The following FLG variants were observed in gnomAD, a reference collection of about 807,000 sequenced individuals.
The protein encoded by FLG is filaggrin, also known as epidermal filaggrin.
In FLG, 6 loss-of-function variants were observed where a neutral mutation model predicts 3.8. The ratio of observed to expected loss-of-function variants is 1.60; its 90% confidence interval spans 0.87 to 3.15. The LOEUF is 3.15. FLG is among the 30% of genes most tolerant of loss of function. The probability of loss-of-function intolerance (pLI) is 0.00; values close to 1 mark genes in which losing one functional copy is unlikely to be tolerated. For missense variants in FLG, 7,595 were observed against 5,050.9 expected (o/e 1.50, Z -15.27); for synonymous variants, 2,551 against 1,931.6 (o/e 1.32, Z -8.41).
rs770018707 is a variant in FLG at position 152,307,240 on chromosome 1, A to G, written c.7646T>C (p.Val2549Ala). The change falls in exon 3 of 3, where the codon GTG (valine) becomes GCG (alanine). Residue 2549 changes from valine (V) to alanine (A), a missense_variant. Transcript: ENST00000368799. ...GGGCCCCTCTGATTGTCCCTGGCCC[A>G]CCTGCGAGTGTCCAGAGCTGTCGGC... ...SRADSSGHSQVGQGQSEGPRT... is the reference protein window; with the variant it reads ...SRADSSGHSQAGQGQSEGPRT... 94 of 1,610,146 alleles carry G rather than the reference A, an allele frequency of 5.8e-5. 3 individuals carry two copies. Among genetic ancestry groups the G allele is most frequent in the African/African-American group, 4.7e-4 (34 of 71,850 alleles).
rs1395969526 is a variant in FLG at position 152,308,722 on chromosome 1, T to C, written c.6164A>G (p.Asp2055Gly). ...TCCCTGTGCTGACACTGACTGTGTG[T>C]CTGAGTCTTCTGAATGTCCCTCACT... ...SDSEGHSEDSDTQSVSAQGKA... is the reference protein window; with the variant it reads ...SDSEGHSEDSGTQSVSAQGKA... The change falls in exon 3 of 3, where the codon GAC becomes GGC. Residue 2055 changes from aspartate (D) to glycine (G), a missense_variant. By Grantham distance (94) the Asp-to-Gly change is moderately conservative (BLOSUM62 -1). Transcript: ENST00000368799. 2 of 1,614,010 alleles carry C rather than the reference T, an allele frequency of 1.2e-6. No homozygotes were observed. Among genetic ancestry groups the C allele is most frequent in the African/African-American group, 2.7e-5 (2 of 74,920 alleles).
intron 2 of FLG, 190 bp from the exon 3 acceptor site, chr1:152,314,937 A>G: frequency 3.2e-6 from 2 of 625,942 alleles, no homozygotes; most frequent in Non-Finnish European, 5.4e-6. Context: ...GTAGACTAGT[A>G]AGGTATCAAG....
chr1:152,309,386 C>G lies in FLG; in HGVS notation c.5500G>C (p.Asp1834His), dbSNP rs1652227162. ...RQGSHYEQSVDSSGHSGSHHS... is the reference protein window; with the variant it reads ...RQGSHYEQSVHSSGHSGSHHS... Reference sequence around the variant, plus strand: ...TGAGACCCTGAGTGTCCAGAACTATCTACCGATTGCTCATAGTGGGATCCC... The same window carrying G: ...TGAGACCCTGAGTGTCCAGAACTATGTACCGATTGCTCATAGTGGGATCCC... Residue 1834 changes from aspartate to histidine, a missense_variant, in exon 3 of 3, where the codon GAT becomes CAT. Asp to His is a moderately conservative substitution (Grantham distance 81, BLOSUM62 -1). Transcript: ENST00000368799. The G allele has an allele frequency of 6.2e-7, 1 of 1,613,892 alleles. No individual in the cohort carries two copies. Among genetic ancestry groups the G allele is most frequent in the East Asian group, 2.2e-5 (1 of 44,804 alleles).
chr1:152,314,953 A>C (rs1329770418), intron 2 of FLG: 2 of 587,370 alleles, frequency 3.4e-6, no homozygotes, highest in Admixed American at 6.4e-5. Flanking sequence ...TCAAGATTTG[A>C]TGGGGTAAGT....
intron 1 of FLG, among the ~76,000 whole-genome samples, chr1:152,316,881 C>G (rs1233513243): frequency 6.6e-6 from 1 of 152,106 alleles, no homozygotes; most frequent in East Asian, 1.9e-4. Flanking sequence ...TTTTCTTATA[C>G]CCACTGGCCA....
rs1652017856 is a variant in FLG at position 152,307,052 on chromosome 1, C to T, written c.7834G>A (p.Asp2612Asn). The change falls in exon 3 of 3, where the codon GAC (aspartate) becomes AAC (asparagine). Residue 2612 changes from aspartate (D) to asparagine (N), a missense_variant. Transcript: ENST00000368799. ...GCAGAGTGCCCATGACCAGCTCTGT[C>T]TTCTTGATGGGACCTGGGGTGTCTG... ...GSRHPRSHQEDRAGHGHSADS... is the reference protein window; with the variant it reads ...GSRHPRSHQENRAGHGHSADS... 4 of 1,607,158 alleles carry T rather than the reference C, an allele frequency of 2.5e-6. No individual in the cohort carries two copies. The highest frequency in any genetic ancestry group is 1.7e-5 in the Admixed American group (1 of 59,254).
At chr1:152,318,339 C>G (rs189546334) in intron 1 of FLG, among the ~76,000 whole-genome samples, 4 of 152,068 alleles carry the variant, frequency 2.6e-5, no homozygotes, top group Admixed American at 1.3e-4. Flanking sequence ...TGTCATTTCT[C>G]CATCATTACC....
chr1:152,305,270 T>G lies in FLG; in HGVS notation c.9616A>C (p.Arg3206=). 6.2e-7 allele frequency: 1 copy of G among 1,612,352 alleles called. No homozygotes were observed. Residue 3206 remains arginine (R), a synonymous_variant, in exon 3 of 3, where the codon AGG becomes CGG. Coordinates refer to ENST00000368799, the MANE Select transcript of FLG (RefSeq NM_002016.2). ...QAVQGQSEGS[R]RSRRQGSSVS... is the part of the protein sequence containing the mutation. ...CTGGATCCCTGGCGCCTGCTTCTCC[T>G]GGACCCCTCTGATTGTCCCTGGACT...
intron 1 of FLG, among the ~76,000 whole-genome samples, chr1:152,323,466 A>G (rs12407156): frequency 0.16 from 23,782 of 151,710 alleles, 3,120 homozygotes; most frequent in East Asian, 0.57. Flanking sequence ...AGTTAACTCA[A>G]TGGAAAAATG....
At chr1:152,320,292 A>T (rs555450543) in intron 1 of FLG, among the ~76,000 whole-genome samples, 1 of 151,318 alleles carries the variant, frequency 6.6e-6, no homozygotes, top group Non-Finnish European at 1.5e-5. Flanking sequence ...ATAACTCTGA[A>T]TATAAATAGA....
Position 152,304,533 on chromosome 1 carries a change from C to A in FLG, c.10353G>T (p.Glu3451Asp), listed in dbSNP as rs776849211. ...AGTGTCCAGACCTATCTACCGATTG[C>A]TCGTAGTGGGATCCCTGCCTTCCTC... ...SRRGRQGSHY[E>D]QSVDRSGHSG... The change falls in exon 3 of 3, where the codon GAG becomes GAT. Residue 3451 changes from glutamate (E) to aspartate (D), a missense_variant. Coordinates refer to ENST00000368799, the MANE Select transcript of FLG (RefSeq NM_002016.2). 3.1e-6 allele frequency: 5 copies of A among 1,611,798 alleles called. No individual in the cohort carries two copies. Among genetic ancestry groups the A allele is most frequent in the Admixed American group, 3.3e-5 (2 of 59,818 alleles).
At position 152,307,567 on chromosome 1, in the gene FLG, C is replaced by T. The variant is rs555272052; in HGVS notation, c.7319G>A (p.Gly2440Glu). 2 of 1,613,778 alleles carry T rather than the reference C, an allele frequency of 1.2e-6. No individual in the cohort carries two copies. Among genetic ancestry groups the T allele is most frequent in the East Asian group, 4.5e-5 (2 of 44,796 alleles). The change falls in exon 3 of 3, where the codon GGA (glycine) becomes GAA (glutamate). Residue 2440 changes from glycine (G) to glutamate (E), a missense_variant. Gly to Glu is a moderately conservative substitution (Grantham distance 98). Transcript: ENST00000368799. The stretch of plus-strand genomic sequence containing the variant: ...GTCTCGTGCCTGCTTGTGGTGGGAT[C>T]CTTGTCTTCCTCCAGTGCTGGTCCC... ...RTGTSTGGRQ[G>E]SHHKQARDSS... is the part of the protein sequence containing the mutation.
Position 152,312,359 on chromosome 1 carries a change from C to A in FLG, c.2527G>T (p.Gly843Ter). 1 of 1,612,390 alleles carries A rather than the reference C, an allele frequency of 6.2e-7. No individual in the cohort carries two copies. Among genetic ancestry groups the A allele is most frequent in the East Asian group, 2.2e-5 (1 of 44,724 alleles). ...ASQDGQDTIR[G>*]HPGSSRRGRQ... Reference sequence around the variant, plus strand: ...CCTCTTCTGCTTGACCCCGGGTGTCCACGAATGGTGTCCTGACCATCTTGG... The same window carrying A: ...CCTCTTCTGCTTGACCCCGGGTGTCAACGAATGGTGTCCTGACCATCTTGG... Residue 843 changes from glycine to a stop codon, truncating the protein, a stop_gained, in exon 3 of 3, where the codon GGA becomes TGA. Transcript: ENST00000368799. LOFTEE classifies it low-confidence loss of function (END_TRUNC).
At chr1:152,325,052 C>T (rs1346749279) in intron 1 of FLG, 137 bp downstream of exon 1, 1 of 151,800 alleles carries the variant, frequency 6.6e-6, no homozygotes, top group South Asian at 2.1e-4. Context: ...TAGAAATAAA[C>T]CTTTTAGTGA....
chr1:152,302,872 G>C lies in FLG; in HGVS notation c.12014C>G (p.Pro4005Arg), dbSNP rs752557017. Residue 4005 changes from proline (P) to arginine (R), a missense_variant, in exon 3 of 3, where the codon CCT (proline) becomes CGT (arginine). Transcript: ENST00000368799. ...QHGSVSYNSN[P>R]VVFKERSDIC... The stretch of plus-strand genomic sequence containing the variant: ...ATCAGATCTTTCCTTGAAAACAACA[G>C]GATTGGAATTGTAACTAACACTTCC... 1.1e-5 allele frequency: 17 copies of C among 1,614,162 alleles called. No individual in the cohort carries two copies. The highest frequency in any genetic ancestry group is 1.4e-5 in the Non-Finnish European group (17 of 1,180,028).
At position 152,303,901 on chromosome 1, in the gene FLG, CT is replaced by C. The variant is rs1651759366; in HGVS notation, c.10984del (p.Ser3662ValfsTer53). On this transcript the variant is annotated frameshift_variant, in exon 3 of 3. Transcript: ENST00000368799. LOFTEE classifies it low-confidence loss of function (END_TRUNC). ...ATGTCCCTCACTGTCACTGGCCTGA[CT>C]ACCACTGGACCCTCGGTGTCCACTG... ...RDSGHRGSSG[S>X]QASDSEGHSE... The C allele has an allele frequency of 7.6e-7, 1 of 1,322,710 alleles. No individual in the cohort carries two copies. The highest frequency in any genetic ancestry group is 1.0e-6 in the Non-Finnish European group (1 of 976,936). 81.9% of individuals were successfully genotyped at this position (1,322,710 alleles called of 1,614,324 possible).
At position 152,311,926 on chromosome 1, in the gene FLG, G is replaced by A. The variant is rs781148459; in HGVS notation, c.2960C>T (p.Ser987Phe). Residue 987 changes from serine to phenylalanine, a missense_variant, in exon 3 of 3, where the codon TCC becomes TTC. Ser to Phe is a radical substitution (Grantham distance 155). Transcript: ENST00000368799. ...QSRHGSRHPR[S>F]HHEDRAGHGH... The stretch of plus-strand genomic sequence containing the variant: ...GTGACCGGCTCTGTCTTCGTGATGG[G>A]ACCTGGGGTGTCTGGAGCCATGTCT... 5 of 1,613,988 alleles carry A rather than the reference G, an allele frequency of 3.1e-6. No individual in the cohort carries two copies. In the African/African-American group the frequency reaches 6.7e-5, roughly 22 times the overall value.
rs1652217560 is a variant in FLG at position 152,309,262 on chromosome 1, C to G, written c.5624G>C (p.Gly1875Ala). Residue 1875 changes from glycine to alanine, a missense_variant, in exon 3 of 3, where the codon GGA (glycine) becomes GCA (alanine). By Grantham distance (60) the Gly-to-Ala change is moderately conservative (BLOSUM62 0). Transcript: ENST00000368799. ...SRQTRNEKQSGDGSRHSGSRH... is the reference protein window; with the variant it reads ...SRQTRNEKQSADGSRHSGSRH... ...CGACCCTGAGTGCCTGGAGCCGTCTCCTGATTGTTTCTCATTACGTGTTTG... is the reference window on the plus strand; with the variant it reads ...CGACCCTGAGTGCCTGGAGCCGTCTGCTGATTGTTTCTCATTACGTGTTTG... 3 of 1,613,780 alleles carry G rather than the reference C, an allele frequency of 1.9e-6. No individual in the cohort carries two copies. Among genetic ancestry groups the G allele is most frequent in the Non-Finnish European group, 2.5e-6 (3 of 1,179,984 alleles).
At chr1:152,319,132 C>G (rs1219790456) in intron 1 of FLG, among the ~76,000 whole-genome samples, 1 of 151,556 alleles carries the variant, frequency 6.6e-6, no homozygotes, top group East Asian at 1.9e-4. Flanking sequence ...GTCAGAGATA[C>G]AGACGGGTCA....
Sources: gnomAD v4.1 joint callset for allele counts (sites outside exome capture counted in the v4.1 genomes callset) on GRCh38, gnomAD v4.1.1 for gene constraint, MANE v1.5 for transcripts, NCBI Gene and HGNC (gene_info 2026-07-23, HGNC 2026-07-21) for gene names.